Variants in RIC1 observed in about 807,000 individuals in gnomAD.
The protein encoded by RIC1 is guanine nucleotide exchange factor subunit RIC1.
Under a neutral mutation model 169.0 loss-of-function variants are expected in RIC1, and 88 were observed. The ratio of observed to expected loss-of-function variants is 0.52; its 90% CI spans 0.44 to 0.62. The LOEUF (loss-of-function observed/expected upper bound fraction) is 0.62. Ranked by LOEUF, RIC1 falls within the 20% of genes least tolerant of loss-of-function variation. RIC1 has a pLI of 0.00. For synonymous variants in RIC1, 790 were observed against 601.5 expected, an observed-to-expected ratio of 1.31 and a Z score of -4.59; for missense variants, 1,877 against 1,725.5, an observed-to-expected ratio of 1.09 and a Z score of -1.56.
chr9:5,689,246 T>C (rs758410602), intron 2 of RIC1, among the ~76,000 whole-genome samples: 3 of 151,788 alleles, frequency 2.0e-5, no homozygotes, highest in East Asian at 1.9e-4. Context: ...AGAGACAGGG[T>C]TTCACCACGT....
intron 2 of RIC1, among the ~76,000 whole-genome samples, chr9:5,675,803 T>G (rs1820408311): frequency 6.6e-6 from 1 of 152,216 alleles, no homozygotes; most frequent in Non-Finnish European, 1.5e-5. Flanking sequence ...CTTCTTCCTT[T>G]GAAAGATGAG....
intron 2 of RIC1, among the ~76,000 whole-genome samples, chr9:5,671,527 C>T (rs557012072): frequency 3.9e-5 from 6 of 152,122 alleles, no homozygotes; most frequent in African/African-American, 9.7e-5. Context: ...CCGCCTGCCC[C>T]GGCCTCCCGA....
chr9:5,770,195 G>A lies in RIC1; in HGVS notation c.3533G>A (p.Gly1178Asp), dbSNP rs975073169. 10 of 1,613,836 alleles carry A rather than the reference G, an allele frequency of 6.2e-6. No individual in the cohort carries two copies. The highest frequency in any genetic ancestry group is 8.5e-6 in the Non-Finnish European group (10 of 1,179,916). The change falls in exon 23 of 26, where the codon GGC (glycine) becomes GAC (aspartate). Residue 1178 changes from glycine (G) to aspartate (D), a missense_variant. Transcript: ENST00000414202. Reference protein sequence around the residue: ...QRSQSWLSNIGPTHHEIDTAS... With the variant: ...QRSQSWLSNIDPTHHEIDTAS... ...AGTCAGAGCTGGCTCAGCAACATTG[G>A]CCCCACCCATCATGAGATAGACACA...
rs766543198 is a variant in RIC1 at position 5,745,955 on chromosome 9, C to T, written c.1120C>T (p.Leu374=). 4 of 1,613,448 alleles carry T rather than the reference C, an allele frequency of 2.5e-6. No individual in the cohort carries two copies. Among genetic ancestry groups the T allele is most frequent in the East Asian group, 2.2e-5 (1 of 44,864 alleles). ...GAGCTGGGGTGCAGAAGGCTATCAC[C>T]TATGGGTAATCAGCGGATTTGGTTC... ...SMSWGAEGYH[L]WVISGFGSQN... is the part of the protein sequence containing the mutation. Residue 374 remains leucine (L), a synonymous_variant, in exon 11 of 26, where the codon CTA becomes TTA. Coordinates refer to ENST00000414202, the MANE Select transcript of RIC1 (RefSeq NM_020829.4).
At chr9:5,678,068 A>G (rs932375991) in intron 2 of RIC1, among the ~76,000 whole-genome samples, 15 of 151,740 alleles carry the variant, frequency 9.9e-5, no homozygotes, top group East Asian at 3.9e-4. Context: ...TCATTGTTCA[A>G]TTCCCACCTA....
At position 5,776,197 on chromosome 9, in the gene RIC1, T is replaced by C. The variant is rs1377995327; in HGVS notation, c.*1951T>C. ...GGCCGTGAATGAATCATTTCTTTTA[T>C]ACAATATTCTTTTACAACTAATAGA... is the stretch of plus-strand genomic sequence containing the variant. On this transcript the variant is annotated 3_prime_UTR_variant, in exon 26 of 26. Coordinates refer to ENST00000414202, the MANE Select transcript of RIC1 (RefSeq NM_020829.4). 3 of 152,148 alleles carry C rather than the reference T, an allele frequency of 2.0e-5. No homozygotes were observed. The highest frequency in any genetic ancestry group is 4.4e-5 in the Non-Finnish European group (3 of 67,988). The allele number at this position is 152,148 out of a possible 1,614,324, so 9.4% of individuals were successfully genotyped here.
intron 3 of RIC1, among the ~76,000 whole-genome samples, chr9:5,691,910 A>G (rs370853039): frequency 3.3e-5 from 5 of 152,008 alleles, no homozygotes; most frequent in East Asian, 3.8e-4. Context: ...GTGTTTTGGA[A>G]TAGTATTTTG....
rs556343259 is a variant in RIC1 at position 5,753,275 on chromosome 9, C to G, written c.1491+37C>G. On this transcript the variant is annotated intron_variant, in intron 13 of 25. Coordinates refer to ENST00000414202, the MANE Select transcript of RIC1 (RefSeq NM_020829.4). ...TTTTGTTGGTGTTAACTTTTGTTGA[C>G]TAGCATTTGCTGCAAGAGGCATTCT... 40 of 1,590,226 alleles carry G rather than the reference C, an allele frequency of 2.5e-5. No individual in the cohort carries two copies. In the South Asian group the frequency reaches 3.8e-4, roughly 15 times the overall value.
chr9:5,690,815 A>G (rs1241789846), intron 3 of RIC1, among the ~76,000 whole-genome samples: 2 of 152,004 alleles, frequency 1.3e-5, no homozygotes, highest in African/African-American at 4.8e-5. Flanking sequence ...AAAGAGATAT[A>G]TAAATTGCCA....
At chr9:5,778,193 T>TAA (rs573096113), downstream of RIC1, among the ~76,000 whole-genome samples, 1 of 152,026 alleles carries the variant, frequency 6.6e-6, no homozygotes, top group Non-Finnish European at 1.5e-5. Context: ...ATTGCTACTG[T>TAA]AAAAAAAATG....
intron 2 of RIC1, among the ~76,000 whole-genome samples, chr9:5,686,528 CAA>C (rs983718282): frequency 1.2e-4 from 18 of 149,720 alleles, no homozygotes; most frequent in African/African-American, 4.2e-4. Flanking sequence ...ATCACAAGAA[CAA>C]AAAACCAAAC....
chr9:5,679,659 A>G (rs1361242943), intron 2 of RIC1, among the ~76,000 whole-genome samples: 2 of 152,190 alleles, frequency 1.3e-5, no homozygotes, highest in Non-Finnish European at 2.9e-5. Context: ...ATTGGTGTAT[A>G]AGAATGCTTG....
chr9:5,725,552 A>G lies in RIC1; in HGVS notation c.720+4802A>G, dbSNP rs141610399. Among the ~76,000 whole-genome samples the G allele has an allele frequency of 9.6e-3, 1,464 of 151,816 alleles. 32 individuals carry two copies. Among genetic ancestry groups the G allele is most frequent in the African/African-American group, 0.034 (1,400 of 41,382 alleles). On this transcript the variant is annotated intron_variant, in intron 6 of 25. Transcript: ENST00000414202. ...TTTTTGATGGTTTTTTTATGTCTCT[A>G]TCTCCTTCAGTTCTGCTCTGATCTT...
intron 3 of RIC1, among the ~76,000 whole-genome samples, chr9:5,710,956 T>C (rs1288412032): frequency 3.9e-5 from 6 of 152,088 alleles, no homozygotes; most frequent in Non-Finnish European, 7.4e-5. Context: ...CTAGGAGTTG[T>C]AGAAAGAGAG....
intron 1 of RIC1, among the ~76,000 whole-genome samples, chr9:5,638,371 A>G (rs543389324): frequency 3.9e-4 from 59 of 152,298 alleles, no homozygotes; most frequent in African/African-American, 1.3e-3. Flanking sequence ...GAATGAGTTT[A>G]GAAGTACTCC....
Position 5,715,896 on chromosome 9 carries a change from T to C in RIC1, c.440+1893T>C, listed in dbSNP as rs1823209117. Among the ~76,000 whole-genome samples the C allele has an allele frequency of 6.7e-5, 10 of 149,124 alleles. No homozygotes were observed. In the Admixed American group the frequency reaches 6.7e-4, roughly 10 times the overall value. ...TGAAGTGCAGTGGCACAATCACAGC[T>C]AATTGCAGCGGCATGATCACAGCTC... On this transcript the variant is annotated intron_variant, in intron 4 of 25. Coordinates refer to ENST00000414202, the MANE Select transcript of RIC1 (RefSeq NM_020829.4).
intron 7 of RIC1, among the ~76,000 whole-genome samples, chr9:5,734,483 G>A (rs1824573399): frequency 6.6e-6 from 1 of 152,052 alleles, no homozygotes; most frequent in South Asian, 2.1e-4. Context: ...TTTTTTCCAG[G>A]AATTGGTTTC....
intron 6 of RIC1, among the ~76,000 whole-genome samples, chr9:5,722,826 C>T (rs746227224): frequency 2.0e-5 from 3 of 152,042 alleles, no homozygotes; most frequent in African/African-American, 4.8e-5. Context: ...TTTGTCCTTG[C>T]AATAGTTTGC....
At chr9:5,636,018 A>G (rs1348691345) in intron 1 of RIC1, among the ~76,000 whole-genome samples, 2 of 152,246 alleles carry the variant, frequency 1.3e-5, no homozygotes, top group Non-Finnish European at 2.9e-5. Context: ...GTTCTTTCTC[A>G]AGATGGCCTT....
Sources: allele counts gnomAD v4.1 joint callset (sites outside exome capture counted in the v4.1 genomes callset), GRCh38; gene constraint gnomAD v4.1.1; transcripts MANE v1.5; gene names NCBI Gene and HGNC (gene_info 2026-07-23, HGNC 2026-07-21).